The following AGFG2 variants were observed in gnomAD, a reference collection of about 807,000 sequenced individuals.
AGFG2 encodes the protein ArfGAP with FG repeats 2.
AGFG2 carries 31 observed loss-of-function variants against 48.0 expected under a neutral mutation model. That is an observed-to-expected ratio of 0.65 (90% CI 0.49 to 0.87). The LOEUF (loss-of-function observed/expected upper bound fraction) is 0.87, where lower values mean the gene tolerates loss of function less well. Among genes scored for constraint, AGFG2 ranks in the 40% least tolerant of loss-of-function variants. The pLI is 0.00. For missense variants in AGFG2, 599 were observed against 632.6 expected (o/e 0.95, Z 0.57); for synonymous variants, 229 against 260.8 (o/e 0.88, Z 1.18).
intron 5 of AGFG2, among the ~76,000 whole-genome samples, chr7:100,555,217 G>A (rs920171251): frequency 6.7e-5 from 10 of 150,178 alleles, no homozygotes; most frequent in Non-Finnish European, 3.0e-5. Context: ...TATATTACAT[G>A]GATAGGCATA....
In AGFG2 at chr7:100,557,453, T is replaced by A. The variant is rs189761485; in HGVS notation, c.877+1718T>A. 5.9e-5 allele frequency among the ~76,000 whole-genome samples: 9 copies of A among 152,244 alleles called. No homozygotes were observed. In the East Asian group the frequency reaches 1.5e-3, roughly 26 times the overall value. On this transcript the variant is annotated intron_variant, in intron 6 of 11. Transcript: ENST00000300176. The stretch of plus-strand genomic sequence containing the variant: ...ACATAGGTCACATTTTGGTTTTTGT[T>A]GTTGTTTTGTTGTTTGTGTGTTTTT...
intron 6 of AGFG2, chr7:100,556,513 G>A: frequency 8.3e-7 from 1 of 1,204,516 alleles, no homozygotes; most frequent in Non-Finnish European, 1.1e-6. Flanking sequence ...AGGCTCAGAT[G>A]TCTGGGGAAA....
At chr7:100,550,030 T>C (rs1194140130) in intron 2 of AGFG2, among the ~76,000 whole-genome samples, 5 of 152,186 alleles carry the variant, frequency 3.3e-5, no homozygotes, top group African/African-American at 1.2e-4. Flanking sequence ...AAGTGGTGGC[T>C]GGGCGCGGTG....
rs969256140 is a variant in AGFG2 at position 100,566,340 on chromosome 7, C to T, written c.*1349C>T. The T allele has an allele frequency of 5.3e-5, 8 of 152,252 alleles. No homozygotes were observed. Among genetic ancestry groups the T allele is most frequent in the Admixed American group, 4.6e-4 (7 of 15,288 alleles). The allele number at this position is 152,252 out of a possible 1,614,324, so 9.4% of individuals were successfully genotyped here. A position where few individuals can be genotyped will look rare whatever the true frequency, so the allele number is the denominator to read the frequency against. ...CATTCTCTGCCCCAGGCTCTTTCCACCTGGGGATGTTGTGACAACATCCAG... is the reference window on the plus strand; with the variant it reads ...CATTCTCTGCCCCAGGCTCTTTCCATCTGGGGATGTTGTGACAACATCCAG... On this transcript the variant is annotated 3_prime_UTR_variant, in exon 12 of 12. Transcript: ENST00000300176.
Position 100,566,907 on chromosome 7 carries a change from G to C in AGFG2, c.*1916G>C, listed in dbSNP as rs1193323230. The C allele has an allele frequency of 6.6e-6, 1 of 152,194 alleles. No homozygotes were observed. Among genetic ancestry groups the C allele is most frequent in the Non-Finnish European group, 1.5e-5 (1 of 68,076 alleles). 9.4% of individuals were successfully genotyped at this position (152,194 alleles called of 1,614,324 possible). ...AGCTGGAATCTGTTATGGTGTATTA[G>C]GGGGAGGAGCCTTTCTGTTATTTCC... On this transcript the variant is annotated 3_prime_UTR_variant, in exon 12 of 12. Coordinates refer to ENST00000300176, the MANE Select transcript of AGFG2 (RefSeq NM_006076.5).
chr7:100,562,714 G>A lies in AGFG2; in HGVS notation c.1087+32G>A. On this transcript the variant is annotated intron_variant, in intron 8 of 11. Transcript: ENST00000300176. This position sits in a 1 kb window ranked among gnomAD's most constrained non-coding sequence, Gnocchi z 5.4. ...CCTGCCTGTGGAGACCCAGGGGAGG[G>A]GACCTGAGGCCAGGAGGAGTCTAAG... The A allele has an allele frequency of 6.3e-7, 1 of 1,597,670 alleles. No homozygotes were observed. Among genetic ancestry groups the A allele is most frequent in the African/African-American group, 1.3e-5 (1 of 74,906 alleles).
chr7:100,557,710 T>C (rs1800785334), intron 6 of AGFG2, among the ~76,000 whole-genome samples: 1 of 152,110 alleles, frequency 6.6e-6, no homozygotes, highest in African/African-American at 2.4e-5. Flanking sequence ...TCTGGGATTA[T>C]AGGCATGGGC....
intron 9 of AGFG2, among the ~76,000 whole-genome samples, chr7:100,563,610 G>A (rs151105473): frequency 2.0e-5 from 3 of 152,310 alleles, no homozygotes; most frequent in Non-Finnish European, 4.4e-5. Context: ...CACCGCGCCC[G>A]TGCCTGGAAC....
Position 100,564,301 on chromosome 7 carries a change from A to G in AGFG2, c.1384A>G (p.Met462Val). 6.2e-7 allele frequency: 1 copy of G among 1,613,052 alleles called. No individual in the cohort carries two copies. The highest frequency in any genetic ancestry group is 8.5e-7 in the Non-Finnish European group (1 of 1,179,572). Residue 462 changes from methionine (M) to valine (V), a missense_variant and splice_region_variant, in exon 11 of 12, where the codon ATG becomes GTG. Met to Val is a conservative substitution (Grantham distance 21). Coordinates refer to ENST00000300176, the MANE Select transcript of AGFG2 (RefSeq NM_006076.5). ...QPAGISTNPF[M>V]TGPSSSPFAS... is the part of the protein sequence containing the mutation. ...AGCTGGGATCTCCACCAACCCCTTC[A>G]TGGTGAGTGTGCCAGCAGGGGTGCT...
rs1800981327 is a variant in AGFG2 at position 100,565,225 on chromosome 7, G to A, written c.*234G>A. ...GAAGCCCAGGAGGAGTGCGGGCAGG[G>A]CCTGACCTGGAGGAGTGATGGTTGA... On this transcript the variant is annotated 3_prime_UTR_variant, in exon 12 of 12. Coordinates refer to ENST00000300176, the MANE Select transcript of AGFG2 (RefSeq NM_006076.5). The A allele has an allele frequency of 1.7e-6, 1 of 594,056 alleles. No homozygotes were observed. Among genetic ancestry groups the A allele is most frequent in the Non-Finnish European group, 3.0e-6 (1 of 333,752 alleles). 36.8% of individuals were successfully genotyped at this position (594,056 alleles called of 1,614,324 possible). A position where few individuals can be genotyped will look rare whatever the true frequency, so the allele number is the denominator to read the frequency against.
rs753446345 is a variant in AGFG2 at position 100,539,371 on chromosome 7, C to T, written c.25C>T (p.Pro9Ser). Residue 9 changes from proline (P) to serine (S), a missense_variant, in exon 1 of 12, where the codon CCG becomes TCG. Pro to Ser is a moderately conservative substitution (Grantham distance 74). Transcript: ENST00000300176. ...GATGGTGATGGCGGCGAAGAAGGGC[C>T]CGGGCCCGGGCGGCGGGGTCAGCGG... is the stretch of plus-strand genomic sequence containing the variant. MVMAAKKG[P>S]GPGGGVSGGK... is the part of the protein sequence containing the mutation. 6.3e-6 allele frequency: 8 copies of T among 1,277,624 alleles called. No individual in the cohort carries two copies. Among genetic ancestry groups the T allele is most frequent in the Middle Eastern group, 2.5e-4 (1 of 3,938 alleles). The allele number at this position is 1,277,624 out of a possible 1,614,324, so 79.1% of individuals were successfully genotyped here. A position where few individuals can be genotyped will look rare whatever the true frequency, so the allele number is the denominator to read the frequency against.
chr7:100,565,993 G>C lies in AGFG2; in HGVS notation c.*1002G>C, dbSNP rs1801001442. On this transcript the variant is annotated 3_prime_UTR_variant, in exon 12 of 12. Transcript: ENST00000300176. ...AAAAGAACTGCATTTGAACGAAAGAGAAAACGGCGCCTGTGGTTTTGCTTC... is the reference window on the plus strand; with the variant it reads ...AAAAGAACTGCATTTGAACGAAAGACAAAACGGCGCCTGTGGTTTTGCTTC... 6.6e-6 allele frequency: 1 copy of C among 150,464 alleles called. No homozygotes were observed. Among genetic ancestry groups the C allele is most frequent in the African/African-American group, 2.5e-5 (1 of 40,744 alleles). 9.3% of individuals were successfully genotyped at this position (150,464 alleles called of 1,614,324 possible).
At chr7:100,545,299 A>G (rs1800491712) in intron 1 of AGFG2, among the ~76,000 whole-genome samples, 1 of 152,188 alleles carries the variant, frequency 6.6e-6, no homozygotes, top group Admixed American at 6.5e-5. Context: ...GCAAGATAGA[A>G]GCAAAAATAT....
chr7:100,543,846 C>T (rs1800466942), intron 1 of AGFG2, among the ~76,000 whole-genome samples: 2 of 152,184 alleles, frequency 1.3e-5, no homozygotes, highest in African/African-American at 4.8e-5. Flanking sequence ...TTGTAGGTCC[C>T]ACACCTGACC....
At chr7:100,560,329 C>T (rs570519700) in intron 6 of AGFG2, among the ~76,000 whole-genome samples, 2 of 152,288 alleles carry the variant, frequency 1.3e-5, no homozygotes, top group East Asian at 3.9e-4. Flanking sequence ...CAGGTATGCA[C>T]CACCACGCCC....
At chr7:100,556,774 C>A in intron 6 of AGFG2, 2 of 522,580 alleles carry the variant, frequency 3.8e-6, no homozygotes, top group Non-Finnish European at 3.1e-6. Context: ...AGCGACCAAG[C>A]TGAGACCAGA....
At chr7:100,551,051 TATATATATATATA>T (rs1800624929) in intron 3 of AGFG2, among the ~76,000 whole-genome samples, 1 of 84,742 alleles carries the variant, frequency 1.2e-5, no homozygotes, top group African/African-American at 4.1e-5. Flanking sequence ...TATATATATA[TATATATATATATA>T]TATTTCTTTT....
intron 3 of AGFG2, among the ~76,000 whole-genome samples, chr7:100,552,169 C>T (rs1003256216): frequency 2.0e-5 from 3 of 151,876 alleles, no homozygotes; most frequent in Non-Finnish European, 4.4e-5. Flanking sequence ...TGCTTGAACC[C>T]GGGAGGCAGT....
At chr7:100,558,097 G>C (rs897926382) in intron 6 of AGFG2, among the ~76,000 whole-genome samples, 1 of 151,936 alleles carries the variant, frequency 6.6e-6, no homozygotes, top group Non-Finnish European at 1.5e-5. Flanking sequence ...GCCTGTAATA[G>C]CAGCTACTTG....
Sources: gnomAD v4.1 joint callset for allele counts (sites outside exome capture counted in the v4.1 genomes callset) on GRCh38, gnomAD v4.1.1 for gene constraint, Gnocchi (gnomAD v3.1) non-coding constraint, MANE v1.5 for transcripts, NCBI Gene and HGNC (gene_info 2026-07-23, HGNC 2026-07-21) for gene names.